Variants in EXOC6 observed in about 807,000 individuals in gnomAD.
EXOC6 encodes exocyst complex component 6, also known as SEC15-like 1.
A neutral mutation model predicts 112.5 loss-of-function variants in EXOC6; 60 were observed. The ratio of observed to expected loss-of-function variants is 0.53; its 90% confidence interval spans 0.43 to 0.66. The LOEUF (loss-of-function observed/expected upper bound fraction) is 0.66, where lower values mean the gene tolerates loss of function less well. Ranked by LOEUF, EXOC6 falls within the 30% of genes least tolerant of loss-of-function variation. The probability of loss-of-function intolerance (pLI) is 0.00; values close to 1 mark genes in which losing one functional copy is unlikely to be tolerated. For missense variants in EXOC6, 855 were observed against 957.1 expected (o/e 0.89, Z 1.41); for synonymous variants, 295 against 308.0 (o/e 0.96, Z 0.44).
intron 13 of EXOC6, among the ~76,000 whole-genome samples, chr10:92,947,990 A>AAT (rs1203760210): frequency 6.6e-6 from 1 of 152,204 alleles, no homozygotes; most frequent in African/African-American, 2.4e-5. Context: ...GCTTGTTCAG[A>AAT]ATATATCACC....
chr10:92,860,603 A>C (rs1847868274), intron 1 of EXOC6, among the ~76,000 whole-genome samples: 1 of 152,028 alleles, frequency 6.6e-6, no homozygotes, highest in African/African-American at 2.4e-5. Context: ...CTCTTATTAA[A>C]CACTAACTCC....
rs527307096 is a variant in EXOC6, at chr10:92,925,659, T to C, written c.889-2680T>C. 9.9e-5 allele frequency among the ~76,000 whole-genome samples: 15 copies of C among 151,836 alleles called. No individual in the cohort carries two copies. In the East Asian group the frequency reaches 2.7e-3, roughly 28 times the overall value. On this transcript the variant is annotated intron_variant, in intron 8 of 21. Coordinates refer to ENST00000260762, the MANE Select transcript of EXOC6 (RefSeq NM_019053.6). ...TTTTCATGATGTAATTTTGTTGTTA[T>C]TGTTTGTTTGTTTTGTTTAAGAGAT... is the stretch of plus-strand genomic sequence containing the variant.
chr10:92,950,412 T>G (rs763014581), intron 14 of EXOC6, among the ~76,000 whole-genome samples: 3 of 152,142 alleles, frequency 2.0e-5, no homozygotes, highest in Non-Finnish European at 4.4e-5. Context: ...TAAGAACATA[T>G]TTATATTCTG....
At chr10:92,865,751 A>T (rs1848142696) in intron 1 of EXOC6, among the ~76,000 whole-genome samples, 1 of 152,034 alleles carries the variant, frequency 6.6e-6, no homozygotes, top group African/African-American at 2.4e-5. Flanking sequence ...CCCAAAACTT[A>T]ACTACTAATG....
intron 18 of EXOC6, among the ~76,000 whole-genome samples, chr10:92,988,578 A>C (rs1843102527): frequency 6.6e-6 from 1 of 152,198 alleles, no homozygotes; most frequent in Non-Finnish European, 1.5e-5. Context: ...TTCCCTATTC[A>C]GAAACATCAG....
At chr10:92,840,850 G>A (rs553436957) in intron 1 of EXOC6, among the ~76,000 whole-genome samples, 1 of 151,864 alleles carries the variant, frequency 6.6e-6, no homozygotes, top group East Asian at 1.9e-4. Flanking sequence ...TAGAGACGAG[G>A]TTTCGCCATG....
rs542850551 is a variant in EXOC6, at chr10:93,027,835, A to G, written c.2169+13568A>G. ...AATAAATGTTTTCATGCCTGCTAAC[A>G]CAGCATTCATTCTGCAGCCCATGGA... On this transcript the variant is annotated intron_variant, in intron 20 of 21. Coordinates refer to ENST00000260762, the MANE Select transcript of EXOC6 (RefSeq NM_019053.6). Among the ~76,000 whole-genome samples, 9 of 152,372 alleles carry G rather than the reference A, an allele frequency of 5.9e-5. No individual in the cohort carries two copies. In the South Asian group the frequency reaches 1.0e-3, roughly 18 times the overall value.
chr10:93,012,615 G>T (rs1048268797), intron 19 of EXOC6, among the ~76,000 whole-genome samples: 15 of 152,114 alleles, frequency 9.9e-5, no homozygotes, highest in African/African-American at 3.1e-4. Flanking sequence ...TGTTGATTTT[G>T]AGCCTTTCTA....
intron 18 of EXOC6, among the ~76,000 whole-genome samples, chr10:92,986,647 G>A (rs1449048595): frequency 4.3e-5 from 6 of 140,070 alleles, no homozygotes; most frequent in African/African-American, 1.6e-4. Context: ...ATATAATAAA[G>A]TTAAATCCAC....
At chr10:92,996,592 G>A (rs1054673580) in intron 18 of EXOC6, among the ~76,000 whole-genome samples, 5 of 139,998 alleles carry the variant, frequency 3.6e-5, no homozygotes, top group Admixed American at 7.5e-5. Flanking sequence ...TGGCCACAGA[G>A]TGAGACTCTG....
At chr10:93,023,367 A>T (rs866075060) in intron 20 of EXOC6, among the ~76,000 whole-genome samples, 3 of 152,316 alleles carry the variant, frequency 2.0e-5, no homozygotes, top group Middle Eastern at 6.8e-3. Flanking sequence ...GATCATCGGG[A>T]TTGCCCTCTT....
At chr10:93,056,801 T>C in intron 20 of EXOC6, 123 bp from the exon 21 acceptor site, 1 of 605,900 alleles carries the variant, frequency 1.7e-6, no homozygotes, top group Non-Finnish European at 2.9e-6. Flanking sequence ...AAAAATGAAT[T>C]TCCGTATTCT....
At chr10:92,905,248 G>A (rs1274008028) in intron 5 of EXOC6, among the ~76,000 whole-genome samples, 1 of 151,950 alleles carries the variant, frequency 6.6e-6, no homozygotes, top group African/African-American at 2.4e-5. Context: ...AATATTGTGT[G>A]GCTATTCTGG....
At chr10:92,996,542 A>G (rs930229317) in intron 18 of EXOC6, among the ~76,000 whole-genome samples, 29 of 151,604 alleles carry the variant, frequency 1.9e-4, no homozygotes, top group East Asian at 1.9e-4. Flanking sequence ...GTGTGAACCC[A>G]GGAGGCAGAG....
At chr10:93,023,520 G>A (rs760547970) in intron 20 of EXOC6, among the ~76,000 whole-genome samples, 1 of 152,174 alleles carries the variant, frequency 6.6e-6, no homozygotes, top group Admixed American at 6.5e-5. Flanking sequence ...TAGCGGTACT[G>A]GTGCCACATT....
At chr10:92,878,423 C>T (rs928789287) in intron 1 of EXOC6, 3 of 152,132 alleles carry the variant, frequency 2.0e-5, no homozygotes, top group Admixed American at 2.0e-4. Context: ...TTATAGGCTC[C>T]CCTTTTTCCC....
Position 92,940,814 on chromosome 10 carries a change from G to A in EXOC6, c.1300G>A (p.Gly434Arg). Residue 434 changes from glycine to arginine, a missense_variant, in exon 13 of 22, where the codon GGA (glycine) becomes AGA (arginine). Coordinates refer to ENST00000260762, the MANE Select transcript of EXOC6 (RefSeq NM_019053.6). ...YNETLLKKWAGVFRDIFEEDN... is the reference protein window; with the variant it reads ...YNETLLKKWARVFRDIFEEDN... ...TGAAACACTGCTTAAGAAATGGGCTGGAGTTTTCAGGTTAGTCTAAGTCAT... is the reference window on the plus strand; with the variant it reads ...TGAAACACTGCTTAAGAAATGGGCTAGAGTTTTCAGGTTAGTCTAAGTCAT... 2 of 1,604,320 alleles carry A rather than the reference G, an allele frequency of 1.2e-6. No homozygotes were observed. The highest frequency in any genetic ancestry group is 1.7e-6 in the Non-Finnish European group (2 of 1,174,554).
chr10:92,859,927 C>T (rs1250834053), intron 1 of EXOC6, among the ~76,000 whole-genome samples: 1 of 151,484 alleles, frequency 6.6e-6, no homozygotes, highest in African/African-American at 2.4e-5. Flanking sequence ...AGACAAGGTA[C>T]AACTGTGAGT....
intron 1 of EXOC6, among the ~76,000 whole-genome samples, chr10:92,852,856 TAAGG>T (rs1390687692): frequency 6.6e-6 from 1 of 152,110 alleles, no homozygotes; most frequent in Non-Finnish European, 1.5e-5. Flanking sequence ...AGGAATGAGG[TAAGG>T]ATATTCATTC....
Sources: gnomAD v4.1 joint callset for allele counts (sites outside exome capture counted in the v4.1 genomes callset) on GRCh38, gnomAD v4.1.1 for gene constraint, MANE v1.5 for transcripts, NCBI Gene and HGNC (gene_info 2026-07-23, HGNC 2026-07-21) for gene names.